Variants in CNTN4 observed in about 807,000 individuals in gnomAD.
The protein encoded by CNTN4 is contactin-4.
A neutral mutation model predicts 122.5 loss-of-function variants in CNTN4; 77 were observed. That is an observed-to-expected ratio of 0.63 (90% CI 0.52 to 0.76). The LOEUF (loss-of-function observed/expected upper bound fraction) is 0.76, where lower values mean the gene tolerates loss of function less well. Among genes scored for constraint, CNTN4 ranks in the 30% least tolerant of loss-of-function variants. The pLI is 0.00. For synonymous variants in CNTN4, 512 were observed against 447.0 expected (o/e 1.15, Z -1.83); for missense variants, 1,256 against 1,259.1 (o/e 1.00, Z 0.04).
intron 2 of CNTN4, among the ~76,000 whole-genome samples, chr3:2,258,614 A>G (rs1195807936): frequency 2.6e-5 from 4 of 152,098 alleles, no homozygotes; most frequent in Non-Finnish European, 5.9e-5. Flanking sequence ...TGAACCTACC[A>G]CACATAATAT....
In CNTN4 at chr3:2,352,854, G is replaced by T. The variant is rs778962288; in HGVS notation, c.-89+13621G>T. On this transcript the variant is annotated intron_variant, in intron 3 of 24. Coordinates refer to ENST00000418658, the MANE Select transcript of CNTN4 (RefSeq NM_175607.3). ...GCTGAGTTTTTGATGGGGACTTGGAGAACTTTTATGTCTAGCTGGAGGATT... is the reference window on the plus strand; with the variant it reads ...GCTGAGTTTTTGATGGGGACTTGGATAACTTTTATGTCTAGCTGGAGGATT... 2.8e-4 allele frequency among the ~76,000 whole-genome samples: 42 copies of T among 152,214 alleles called. 1 individual carries two copies. The highest frequency in any genetic ancestry group is 4.1e-4 in the South Asian group (2 of 4,832).
intron 3 of CNTN4, among the ~76,000 whole-genome samples, chr3:2,395,838 C>T (rs1018409767): frequency 1.3e-5 from 2 of 152,000 alleles, no homozygotes; most frequent in Admixed American, 1.3e-4. Flanking sequence ...TTGCGGTTTA[C>T]CATATGTGAA....
intron 2 of CNTN4, among the ~76,000 whole-genome samples, chr3:2,123,186 A>G (rs1468634972): frequency 2.0e-5 from 3 of 152,236 alleles, no homozygotes; most frequent in Non-Finnish European, 4.4e-5. Context: ...GCACCCTTGC[A>G]TATGATTTCT....
At chr3:2,475,727 A>G (rs968892279) in intron 3 of CNTN4, among the ~76,000 whole-genome samples, 4 of 152,304 alleles carry the variant, frequency 2.6e-5, no homozygotes, top group Middle Eastern at 3.4e-3. Flanking sequence ...TGCAAAAATA[A>G]CAACAATAAT....
intron 3 of CNTN4, among the ~76,000 whole-genome samples, chr3:2,478,311 G>A (rs2075887024): frequency 6.6e-6 from 1 of 151,914 alleles, no homozygotes; most frequent in Non-Finnish European, 1.5e-5. Context: ...TTTATAGTGT[G>A]TATGAATACC....
At chr3:2,772,860 G>A (rs939772334) in intron 6 of CNTN4, among the ~76,000 whole-genome samples, 1 of 152,196 alleles carries the variant, frequency 6.6e-6, no homozygotes, top group African/African-American at 2.4e-5. Flanking sequence ...TGTTTGAAGG[G>A]TAGGTGAAGT....
chr3:2,279,781 CTA>C (rs1004412980), intron 2 of CNTN4, among the ~76,000 whole-genome samples: 1 of 150,804 alleles, frequency 6.6e-6, no homozygotes, highest in Non-Finnish European at 1.5e-5. Flanking sequence ...CTACATATAT[CTA>C]TATATATATT....
chr3:2,550,921 AGG>A (rs1199373931), intron 3 of CNTN4, among the ~76,000 whole-genome samples: 2 of 152,054 alleles, frequency 1.3e-5, no homozygotes, highest in Non-Finnish European at 2.9e-5. Context: ...GGACACAGGG[AGG>A]GGAACATCAT....
intron 4 of CNTN4, among the ~76,000 whole-genome samples, chr3:2,611,232 T>C (rs2081469805): frequency 7.2e-6 from 1 of 138,612 alleles, no homozygotes; most frequent in African/African-American, 2.8e-5. Flanking sequence ...CTGCTATGAG[T>C]GGAGACTTTC....
chr3:2,916,735 G>A lies in CNTN4; in HGVS notation c.1208-8894G>A, dbSNP rs1202886242. On this transcript the variant is annotated intron_variant, in intron 12 of 24. Transcript: ENST00000418658. ...GTTGGGTACACCTCCCAGACGGGGT[G>A]GCGGCCGGGCAGAGGGGCTCCTCAC... 2.1e-5 allele frequency among the ~76,000 whole-genome samples: 3 copies of A among 142,386 alleles called. No individual in the cohort carries two copies. In the South Asian group the frequency reaches 6.7e-4, roughly 32 times the overall value. 93.4% of individuals were successfully genotyped at this position (142,386 alleles called of 152,430 possible).
chr3:2,513,090 T>C (rs73000068), intron 3 of CNTN4, among the ~76,000 whole-genome samples: 24,227 of 152,058 alleles, frequency 0.16, 2,311 homozygotes, highest in African/African-American at 0.27. Flanking sequence ...CTGGTACCTC[T>C]GAGTAGCAAA....
chr3:2,931,186 G>T (rs532689432), intron 13 of CNTN4, among the ~76,000 whole-genome samples: 1 of 152,180 alleles, frequency 6.6e-6, no homozygotes, highest in Non-Finnish European at 1.5e-5. Context: ...ATCACAACAC[G>T]TGGATCACAT....
intron 12 of CNTN4, among the ~76,000 whole-genome samples, chr3:2,913,460 A>G (rs2094322648): frequency 6.6e-6 from 1 of 152,204 alleles, no homozygotes; most frequent in African/African-American, 2.4e-5. Flanking sequence ...AAAATGAAAG[A>G]ATAGAGGAAA....
At position 2,676,220 on chromosome 3, in the gene CNTN4, GT is replaced by G. The variant is rs111854621; in HGVS notation, c.56-59985del. Among the ~76,000 whole-genome samples, 390 of 148,130 alleles carry G rather than the reference GT, an allele frequency of 2.6e-3. 1 individual carries two copies. The highest frequency in any genetic ancestry group is 8.7e-3 in the African/African-American group (351 of 40,492). On this transcript the variant is annotated intron_variant, in intron 4 of 24. Coordinates refer to ENST00000418658, the MANE Select transcript of CNTN4 (RefSeq NM_175607.3). Reference sequence around the variant, plus strand: ...AGCTGAAGATGTAACCGACTGAGTGGTTTTTTTTTTGTGGTGGGGGGCACAG... The same window carrying G: ...AGCTGAAGATGTAACCGACTGAGTGGTTTTTTTTTGTGGTGGGGGGCACAG...
At chr3:2,602,769 A>C (rs147226824) in intron 4 of CNTN4, among the ~76,000 whole-genome samples, 54 of 152,346 alleles carry the variant, frequency 3.5e-4, no homozygotes, top group African/African-American at 1.2e-3. Context: ...CAAGCATTAT[A>C]TGGTAATAAT....
At chr3:2,699,584 C>T (rs1193723259) in intron 4 of CNTN4, among the ~76,000 whole-genome samples, 1 of 152,158 alleles carries the variant, frequency 6.6e-6, no homozygotes, top group East Asian at 1.9e-4. Context: ...GAATTGGTCC[C>T]CTGCTCACTC....
intron 4 of CNTN4, among the ~76,000 whole-genome samples, chr3:2,730,583 A>G (rs1225731289): frequency 1.3e-5 from 2 of 152,224 alleles, no homozygotes; most frequent in African/African-American, 4.8e-5. Flanking sequence ...ATAAAAATAA[A>G]AACCAAAAAA....
At chr3:2,981,856 C>T (rs1188682625) in intron 13 of CNTN4, among the ~76,000 whole-genome samples, 1 of 152,016 alleles carries the variant, frequency 6.6e-6, no homozygotes, top group Non-Finnish European at 1.5e-5. Flanking sequence ...ACCAGCCTGG[C>T]CTACATGGTG....
chr3:2,285,287 A>C (rs930045139), intron 2 of CNTN4, among the ~76,000 whole-genome samples: 1 of 152,098 alleles, frequency 6.6e-6, no homozygotes, highest in Admixed American at 6.6e-5. Flanking sequence ...ATAGGATTTA[A>C]TTTGATGAAT....
Sources: allele counts gnomAD v4.1 joint callset (sites outside exome capture counted in the v4.1 genomes callset), GRCh38; gene constraint gnomAD v4.1.1; transcripts MANE v1.5; gene names NCBI Gene and HGNC (gene_info 2026-07-23, HGNC 2026-07-21).